The following CHRM4 variants were observed in gnomAD, a reference collection of about 807,000 sequenced individuals.
The protein encoded by CHRM4 is cholinergic receptor muscarinic 4.
In CHRM4, 5 loss-of-function variants were observed where a neutral mutation model predicts 26.3. The observed-to-expected ratio is 0.19, with a 90% CI of 0.10 to 0.40. The LOEUF (loss-of-function observed/expected upper bound fraction) is 0.40. Ranked by LOEUF, CHRM4 falls within the 10% of genes least tolerant of loss-of-function variation. The pLI is 1.00. For synonymous variants in CHRM4, 290 were observed against 285.3 expected (o/e 1.02, Z -0.16); for missense variants, 402 against 664.5 (o/e 0.60, Z 4.34).
chr11:46,384,242 G>T lies in CHRM4; in HGVS notation c.*876C>A, dbSNP rs142135123. 6.6e-6 allele frequency among the ~76,000 whole-genome samples: 1 copy of T among 152,204 alleles called. No homozygotes were observed. The highest frequency in any genetic ancestry group is 2.4e-5 in the African/African-American group (1 of 41,434). On this transcript the variant is annotated 3_prime_UTR_variant, in exon 2 of 2. Coordinates refer to ENST00000682254, the MANE Select transcript of CHRM4 (RefSeq NM_000741.5). ...CCCCTTCCCACTGTCATGGAAACCC[G>T]AGTGAGCCACCAGGTTGACCCCTTT... is the stretch of plus-strand genomic sequence containing the variant.
Position 46,391,291 on chromosome 11 carries a change from GT to G in CHRM4, c.-30+239del, listed in dbSNP as rs2136555284. ...CTGAGCCGCCAGTGGGAGGGCTGGA[GT>G]ACAGGGTCCCACCCCCGACGGCTGC... is the stretch of plus-strand genomic sequence containing the variant. On this transcript the variant is annotated intron_variant, in intron 1 of 1. Transcript: ENST00000682254. The surrounding 1 kb of genome is among the most constrained non-coding windows in gnomAD (Gnocchi z 6.3). Among the ~76,000 whole-genome samples the G allele has an allele frequency of 6.6e-6, 1 of 152,128 alleles. No individual in the cohort carries two copies. Among genetic ancestry groups the G allele is most frequent in the African/African-American group, 2.4e-5 (1 of 41,508 alleles).
In CHRM4 at chr11:46,391,051, G is replaced by A. The variant is rs541835431; in HGVS notation, c.-30+480C>T. Among the ~76,000 whole-genome samples the A allele has an allele frequency of 1.3e-3, 193 of 152,130 alleles. 1 individual carries two copies. The Middle Eastern group carries it at 0.014, about 11-fold the overall frequency. ...AGGGGGCCTGGAGCTGGAGGACCCC[G>A]GCTTGGAGGCTGGGCAGCAAAGGGG... is the stretch of plus-strand genomic sequence containing the variant. On this transcript the variant is annotated intron_variant, in intron 1 of 1. Coordinates refer to ENST00000682254, the MANE Select transcript of CHRM4 (RefSeq NM_000741.5). The surrounding 1 kb of genome is among the most constrained non-coding windows in gnomAD (Gnocchi z 6.3).
Position 46,384,109 on chromosome 11 carries a change from C to T in CHRM4, c.*1009G>A, listed in dbSNP as rs1335557035. Among the ~76,000 whole-genome samples the T allele has an allele frequency of 2.6e-5, 4 of 152,238 alleles. No homozygotes were observed. The highest frequency in any genetic ancestry group is 7.2e-5 in the African/African-American group (3 of 41,454). The stretch of plus-strand genomic sequence containing the variant: ...CTGGAACCACCACACCCATCTCAGC[C>T]TCACCCAGTCAAAGGTCTTTTGATA... On this transcript the variant is annotated 3_prime_UTR_variant, in exon 2 of 2. Coordinates refer to ENST00000682254, the MANE Select transcript of CHRM4 (RefSeq NM_000741.5).
In CHRM4 at chr11:46,385,453, G is replaced by A; in HGVS notation, c.1105C>T (p.Pro369Ser). The A allele has an allele frequency of 6.2e-7, 1 of 1,603,480 alleles. No individual in the cohort carries two copies. The highest frequency in any genetic ancestry group is 1.3e-5 in the African/African-American group (1 of 74,838). The change falls in exon 2 of 2, where the codon CCT becomes TCT. Residue 369 changes from proline (P) to serine (S), a missense_variant. Coordinates refer to ENST00000682254, the MANE Select transcript of CHRM4 (RefSeq NM_000741.5). The surrounding 1 kb of genome is among the most constrained non-coding windows in gnomAD (Gnocchi z 6.3). ...IVPATPAGMR[P>S]AANVARKFAS... is the part of the protein sequence containing the mutation. Reference sequence around the variant, plus strand: ...AACTTGCGGGCCACGTTGGCCGCAGGGCGCATGCCAGCCGGCGTGGCAGGC... The same window carrying A: ...AACTTGCGGGCCACGTTGGCCGCAGAGCGCATGCCAGCCGGCGTGGCAGGC...
intron 1 of CHRM4, among the ~76,000 whole-genome samples, chr11:46,388,052 C>G (rs562281135): frequency 6.6e-6 from 1 of 152,202 alleles, no homozygotes; most frequent in Non-Finnish European, 1.5e-5. Context: ...CCCCCTCTTC[C>G]TCTTCCCTCC....
At position 46,391,238 on chromosome 11, in the gene CHRM4, C is replaced by T. The variant is rs948418528; in HGVS notation, c.-30+293G>A. On this transcript the variant is annotated intron_variant, in intron 1 of 1. Coordinates refer to ENST00000682254, the MANE Select transcript of CHRM4 (RefSeq NM_000741.5). The surrounding 1 kb of genome is among the most constrained non-coding windows in gnomAD (Gnocchi z 6.3). Reference sequence around the variant, plus strand: ...GCGGGGAGACGGCGGGAAAAGGGCTCTTTGGGGCTTCAGCGCCCGGCGCCC... The same window carrying T: ...GCGGGGAGACGGCGGGAAAAGGGCTTTTTGGGGCTTCAGCGCCCGGCGCCC... 6.6e-6 allele frequency among the ~76,000 whole-genome samples: 1 copy of T among 151,958 alleles called. No individual in the cohort carries two copies. Among genetic ancestry groups the T allele is most frequent in the African/African-American group, 2.4e-5 (1 of 41,376 alleles).
rs1945310603 is a variant in CHRM4 at position 46,384,414 on chromosome 11, G to A, written c.*704C>T. ...AGCCTTCTAAGGCCGGGGCTGCAGG[G>A]GGCTGTCTTCTGAATACGTGGACCA... On this transcript the variant is annotated 3_prime_UTR_variant, in exon 2 of 2. Transcript: ENST00000682254. Among the ~76,000 whole-genome samples the A allele has an allele frequency of 6.6e-6, 1 of 152,218 alleles. No individual in the cohort carries two copies. The highest frequency in any genetic ancestry group is 2.1e-4 in the South Asian group (1 of 4,826).
chr11:46,383,804 A>G lies in CHRM4; in HGVS notation c.*1314T>C, dbSNP rs533285334. 1 of 450,850 alleles carries G rather than the reference A, an allele frequency of 2.2e-6. No individual in the cohort carries two copies. Among genetic ancestry groups the G allele is most frequent in the East Asian group, 4.5e-5 (1 of 22,008 alleles). 27.9% of individuals were successfully genotyped at this position (450,850 alleles called of 1,614,324 possible). A position where few individuals can be genotyped will look rare whatever the true frequency, so the allele number is the denominator to read the frequency against. ...ATAAACTGACTTTTTCCCCCCAATAAAAGCTCTTCTTTTTTAATATATAAA... is the reference window on the plus strand; with the variant it reads ...ATAAACTGACTTTTTCCCCCCAATAGAAGCTCTTCTTTTTTAATATATAAA... On this transcript the variant is annotated 3_prime_UTR_variant, in exon 2 of 2. Transcript: ENST00000682254.
chr11:46,390,527 C>T (rs781673989), intron 1 of CHRM4, among the ~76,000 whole-genome samples: 78 of 152,378 alleles, frequency 5.1e-4, no homozygotes, highest in Non-Finnish European at 4.0e-4. Flanking sequence ...TCGGGTCAGG[C>T]GAGTGCAAGA....
intron 1 of CHRM4, among the ~76,000 whole-genome samples, chr11:46,388,210 T>G (rs1945360555): frequency 6.6e-6 from 1 of 152,168 alleles, no homozygotes; most frequent in Non-Finnish European, 1.5e-5. Context: ...GGATACGCAG[T>G]TCTGTGCGTC....
In CHRM4 at chr11:46,385,083, G is replaced by T. The variant is rs760238078; in HGVS notation, c.*35C>A. 6.5e-7 allele frequency: 1 copy of T among 1,547,104 alleles called. No homozygotes were observed. ...CGTGTGGTCCCCCCAGCACACGCACGCAACACCAGCACCTCCTAGGGCACT... is the reference window on the plus strand; with the variant it reads ...CGTGTGGTCCCCCCAGCACACGCACTCAACACCAGCACCTCCTAGGGCACT... On this transcript the variant is annotated 3_prime_UTR_variant, in exon 2 of 2. Coordinates refer to ENST00000682254, the MANE Select transcript of CHRM4 (RefSeq NM_000741.5). The surrounding 1 kb of genome is among the most constrained non-coding windows in gnomAD (Gnocchi z 6.3).
intron 1 of CHRM4, among the ~76,000 whole-genome samples, chr11:46,388,966 A>T (rs1469623929): frequency 6.6e-6 from 1 of 152,210 alleles, no homozygotes; most frequent in Non-Finnish European, 1.5e-5. Flanking sequence ...TTTAATATAG[A>T]TTATCTGGTT....
rs1945346025 is a variant in CHRM4 at position 46,386,818 on chromosome 11, C to A, written c.-29-232G>T. On this transcript the variant is annotated intron_variant, in intron 1 of 1. Coordinates refer to ENST00000682254, the MANE Select transcript of CHRM4 (RefSeq NM_000741.5). The surrounding 1 kb of genome is among the most constrained non-coding windows in gnomAD (Gnocchi z 5.8). ...CAGAAGTGAATAAGACACACATGGC[C>A]CCCTGCCTCATGGGGGGAGACATGC... Among the ~76,000 whole-genome samples, 2 of 152,164 alleles carry A rather than the reference C, an allele frequency of 1.3e-5. No homozygotes were observed. Among genetic ancestry groups the A allele is most frequent in the South Asian group, 2.1e-4 (1 of 4,830 alleles).
chr11:46,386,428 G>A lies in CHRM4; in HGVS notation c.130C>T (p.Leu44=). 5.6e-6 allele frequency: 9 copies of A among 1,613,956 alleles called. No homozygotes were observed. Among genetic ancestry groups the A allele is most frequent in the Non-Finnish European group, 7.6e-6 (9 of 1,179,904 alleles). Residue 44 remains leucine, a synonymous_variant, in exon 2 of 2, where the codon CTG becomes TTG. Coordinates refer to ENST00000682254, the MANE Select transcript of CHRM4 (RefSeq NM_000741.5). This position sits in a 1 kb window ranked among gnomAD's most constrained non-coding sequence, Gnocchi z 5.8. ...FIATVTGSLS[L]VTVVGNILVM... ...AGGATGTTGCCCACGACAGTCACCA[G>A]GCTCAGGGAGCCTGTCACTGTGGCA...
In CHRM4 at chr11:46,384,565, C is replaced by G. The variant is rs891217570; in HGVS notation, c.*553G>C. Among the ~76,000 whole-genome samples, 1 of 152,180 alleles carries G rather than the reference C, an allele frequency of 6.6e-6. No individual in the cohort carries two copies. Among genetic ancestry groups the G allele is most frequent in the Admixed American group, 6.5e-5 (1 of 15,284 alleles). On this transcript the variant is annotated 3_prime_UTR_variant, in exon 2 of 2. Coordinates refer to ENST00000682254, the MANE Select transcript of CHRM4 (RefSeq NM_000741.5). ...TGCTGGGGCGGGGGGGACCTGGCCT[C>G]CATCATACCCACCCAGAACCTGGCT...
At chr11:46,387,693 C>T (rs982603123) in intron 1 of CHRM4, among the ~76,000 whole-genome samples, 7 of 152,164 alleles carry the variant, frequency 4.6e-5, no homozygotes, top group African/African-American at 1.4e-4. Context: ...GGACCAGAGG[C>T]GGTGCATGGA....
chr11:46,387,988 C>G (rs1945358584), intron 1 of CHRM4, among the ~76,000 whole-genome samples: 1 of 152,242 alleles, frequency 6.6e-6, no homozygotes, highest in Non-Finnish European at 1.5e-5. Flanking sequence ...GTCCCCACCA[C>G]AGGCCCTTCC....
chr11:46,385,473 G>A lies in CHRM4; in HGVS notation c.1085C>T (p.Ala362Val), dbSNP rs755530650. ...ECVTAIEIVP[A>V]TPAGMRPAAN... ...CGCAGGGCGCATGCCAGCCGGCGTGGCAGGCACAATCTCAATGGCTGTCAC... is the reference window on the plus strand; with the variant it reads ...CGCAGGGCGCATGCCAGCCGGCGTGACAGGCACAATCTCAATGGCTGTCAC... The change falls in exon 2 of 2, where the codon GCC (alanine) becomes GTC (valine). Residue 362 changes from alanine (A) to valine (V), a missense_variant. Transcript: ENST00000682254. The surrounding 1 kb of genome is among the most constrained non-coding windows in gnomAD (Gnocchi z 6.3). 17 of 1,600,070 alleles carry A rather than the reference G, an allele frequency of 1.1e-5. No individual in the cohort carries two copies. The highest frequency in any genetic ancestry group is 1.7e-4 in the Middle Eastern group (1 of 6,052).
In CHRM4 at chr11:46,386,692, G is replaced by A. The variant is rs552916514; in HGVS notation, c.-29-106C>T. ...ACAGAGGGACATTCTCTGGCAGAATGCCTTGAGAGAACTCTGTCCCGCCAT... is the reference window on the plus strand; with the variant it reads ...ACAGAGGGACATTCTCTGGCAGAATACCTTGAGAGAACTCTGTCCCGCCAT... On this transcript the variant is annotated intron_variant, in intron 1 of 1. Transcript: ENST00000682254. The surrounding 1 kb of genome is among the most constrained non-coding windows in gnomAD (Gnocchi z 5.8). 4 of 1,131,766 alleles carry A rather than the reference G, an allele frequency of 3.5e-6. No individual in the cohort carries two copies. The highest frequency in any genetic ancestry group is 3.1e-5 in the South Asian group (2 of 65,058). 70.1% of individuals were successfully genotyped at this position (1,131,766 alleles called of 1,614,324 possible).
Sources: allele counts gnomAD v4.1 joint callset (sites outside exome capture counted in the v4.1 genomes callset), GRCh38; gene constraint gnomAD v4.1.1; non-coding constraint Gnocchi (gnomAD v3.1); transcripts MANE v1.5; gene names NCBI Gene and HGNC (gene_info 2026-07-23, HGNC 2026-07-21).